ASAP3: variants seen among roughly 807,000 people sequenced by gnomAD.
The protein encoded by ASAP3 is arf-GAP with SH3 domain, ANK repeat and PH domain-containing protein 3.
Under a neutral mutation model 118.2 loss-of-function variants are expected in ASAP3, and 85 were observed. The ratio of observed to expected loss-of-function variants is 0.72; its 90% CI spans 0.60 to 0.86. The LOEUF (loss-of-function observed/expected upper bound fraction) is 0.86, where lower values mean the gene tolerates loss of function less well. ASAP3 is among the 40% of genes least tolerant of loss of function. The pLI is 0.00. For missense variants in ASAP3, 1,026 were observed against 1,175.0 expected, an observed-to-expected ratio of 0.87 and a Z score of 1.85; for synonymous variants, 432 against 477.4, an observed-to-expected ratio of 0.90 and a Z score of 1.24.
At chr1:23,477,631 C>T (rs367763811) in intron 1 of ASAP3, among the ~76,000 whole-genome samples, 1 of 152,100 alleles carries the variant, frequency 6.6e-6, no homozygotes, top group Admixed American at 6.5e-5. Flanking sequence ...CAGAACAAAC[C>T]TCAAAGAAGG....
chr1:23,469,406 T>C (rs1478419285), intron 1 of ASAP3, among the ~76,000 whole-genome samples: 1 of 152,178 alleles, frequency 6.6e-6, no homozygotes, highest in Non-Finnish European at 1.5e-5. Flanking sequence ...TTTTATTCTA[T>C]AAGTGATGGG....
At chr1:23,449,814 G>T (rs139613369) in intron 5 of ASAP3, among the ~76,000 whole-genome samples, 3 of 152,316 alleles carry the variant, frequency 2.0e-5, no homozygotes, top group South Asian at 4.1e-4. Flanking sequence ...CTACAGGAAG[G>T]CTCAATATAG....
At position 23,437,430 on chromosome 1, in the gene ASAP3, C is replaced by T. The variant is rs757164442; in HGVS notation, c.1145G>A (p.Cys382Tyr). The T allele has an allele frequency of 1.2e-6, 2 of 1,614,096 alleles. No individual in the cohort carries two copies. The highest frequency in any genetic ancestry group is 1.7e-6 in the Non-Finnish European group (2 of 1,179,994). Residue 382 changes from cysteine to tyrosine, a missense_variant, in exon 13 of 25, where the codon TGT becomes TAT. By Grantham distance (194) the Cys-to-Tyr change is radical. Coordinates refer to ENST00000336689, the MANE Select transcript of ASAP3 (RefSeq NM_017707.4). This position sits in a 1 kb window ranked among gnomAD's most constrained non-coding sequence, Gnocchi z 6.1. ...TGGCCGAGGGGGCACTCACGCCTCA[C>T]ACTCGTGCTCGTCCTCTGCCTGAAA... The part of the protein sequence containing the change: ...YHFQAEDEHE[C>Y]EAWVSVLQNS...
At chr1:23,463,727 G>A (rs1449462591) in intron 1 of ASAP3, among the ~76,000 whole-genome samples, 7 of 151,814 alleles carry the variant, frequency 4.6e-5, no homozygotes, top group African/African-American at 1.2e-4. Flanking sequence ...TCAGCCTCCC[G>A]AGTAGCTAGG....
At chr1:23,464,375 T>C (rs932164201) in intron 1 of ASAP3, among the ~76,000 whole-genome samples, 3 of 151,272 alleles carry the variant, frequency 2.0e-5, no homozygotes, top group Non-Finnish European at 3.0e-5. Context: ...TTAGTAGAGA[T>C]GGGGTTTCGC....
intron 4 of ASAP3, among the ~76,000 whole-genome samples, chr1:23,452,406 T>C (rs1050931979): frequency 6.6e-6 from 1 of 152,216 alleles, no homozygotes; most frequent in Admixed American, 6.5e-5. Context: ...CCTAACTCCC[T>C]TGGCCTCGAA....
chr1:23,482,561 G>T (rs1443933905), intron 1 of ASAP3, among the ~76,000 whole-genome samples: 3 of 152,052 alleles, frequency 2.0e-5, no homozygotes, highest in Non-Finnish European at 4.4e-5. Flanking sequence ...TGTCTCATGT[G>T]AGGTACACAT....
intron 5 of ASAP3, among the ~76,000 whole-genome samples, chr1:23,444,690 C>T (rs1434056602): frequency 6.6e-6 from 1 of 152,220 alleles, no homozygotes; most frequent in Non-Finnish European, 1.5e-5. Flanking sequence ...GGTAAGTTCT[C>T]AGGTCCCTTC....
chr1:23,465,360 T>C (rs916923412), intron 1 of ASAP3, among the ~76,000 whole-genome samples: 3 of 152,350 alleles, frequency 2.0e-5, no homozygotes, highest in Admixed American at 2.0e-4. Flanking sequence ...CTGTGCAGCC[T>C]CATTACTTGT....
chr1:23,443,426 C>G (rs969614139), intron 5 of ASAP3, among the ~76,000 whole-genome samples: 2 of 152,176 alleles, frequency 1.3e-5, no homozygotes, highest in East Asian at 1.9e-4. Context: ...TGCTTACCCC[C>G]CTACTTATAA....
chr1:23,444,059 G>C (rs1374224832), intron 5 of ASAP3, among the ~76,000 whole-genome samples: 1 of 152,098 alleles, frequency 6.6e-6, no homozygotes, highest in Non-Finnish European at 1.5e-5. Flanking sequence ...AGTAGAGACG[G>C]AGTTTCACCA....
intron 17 of ASAP3, 27 bp from the exon 18 acceptor site, chr1:23,434,645 T>C (rs559415753): frequency 1.5e-5 from 24 of 1,604,946 alleles, no homozygotes; most frequent in Admixed American, 8.4e-5. Context: ...ACCTCTGAGA[T>C]TCCCCCCCCA....
chr1:23,475,281 C>A (rs760751932), intron 1 of ASAP3, among the ~76,000 whole-genome samples: 1 of 152,122 alleles, frequency 6.6e-6, no homozygotes. Context: ...AGTGACACAG[C>A]GATGGCATTT....
chr1:23,433,095 C>T lies in ASAP3; in HGVS notation c.2305G>A (p.Ala769Thr). Residue 769 changes from alanine to threonine, a missense_variant, in exon 22 of 25, where the codon GCA (alanine) becomes ACA (threonine). Physicochemically the swap from Ala to Thr is moderately conservative, Grantham distance 58 (BLOSUM62 0). Coordinates refer to ENST00000336689, the MANE Select transcript of ASAP3 (RefSeq NM_017707.4). ...ACTGTACCTCCACTGGCATGTCTTG[C>T]ACACCCTTGGACCAAAGTCCGAGAA... ...NSSRTLVQGCARHASGDRSEV... is the reference protein window; with the variant it reads ...NSSRTLVQGCTRHASGDRSEV... 1 of 1,614,048 alleles carries T rather than the reference C, an allele frequency of 6.2e-7. No homozygotes were observed. Among genetic ancestry groups the T allele is most frequent in the Non-Finnish European group, 8.5e-7 (1 of 1,180,002 alleles).
intron 5 of ASAP3, among the ~76,000 whole-genome samples, chr1:23,447,616 C>T (rs553894085): frequency 2.0e-5 from 3 of 152,286 alleles, no homozygotes; most frequent in South Asian, 4.1e-4. Flanking sequence ...TGGCATATGG[C>T]AAGCCCTCAA....
chr1:23,480,989 A>C (rs1558196434), intron 1 of ASAP3, among the ~76,000 whole-genome samples: 1 of 152,248 alleles, frequency 6.6e-6, no homozygotes, highest in Non-Finnish European at 1.5e-5. Context: ...AACAAGGTTC[A>C]GAGAAGTTAC....
chr1:23,431,139 A>G lies in ASAP3; in HGVS notation c.2547-14T>C. On this transcript the variant is annotated splice_polypyrimidine_tract_variant and intron_variant, in intron 23 of 24. Coordinates refer to ENST00000336689, the MANE Select transcript of ASAP3 (RefSeq NM_017707.4). The stretch of plus-strand genomic sequence containing the variant: ...GTGCTCTCGGAGCTGGAAGGCAGGG[A>G]AAGGCCAACATGACCCTCATGTCCA... 6.4e-7 allele frequency: 1 copy of G among 1,571,186 alleles called. No homozygotes were observed. Among genetic ancestry groups the G allele is most frequent in the Non-Finnish European group, 8.6e-7 (1 of 1,158,206 alleles).
At chr1:23,461,829 A>C (rs150735032) in intron 1 of ASAP3, among the ~76,000 whole-genome samples, 4 of 152,156 alleles carry the variant, frequency 2.6e-5, no homozygotes, top group Non-Finnish European at 5.9e-5. Flanking sequence ...GAGCAACAAG[A>C]TATCAGCCTT....
intron 1 of ASAP3, among the ~76,000 whole-genome samples, chr1:23,470,723 A>T (rs1415032990): frequency 6.6e-6 from 1 of 151,982 alleles, no homozygotes; most frequent in Non-Finnish European, 1.5e-5. Flanking sequence ...AGGCCTCTGC[A>T]GACGTCTTCC....
Sources: allele counts gnomAD v4.1 joint callset (sites outside exome capture counted in the v4.1 genomes callset), GRCh38; gene constraint gnomAD v4.1.1; non-coding constraint Gnocchi (gnomAD v3.1); transcripts MANE v1.5; gene names NCBI Gene and HGNC (gene_info 2026-07-23, HGNC 2026-07-21).